The following DACH1 variants were observed in gnomAD, a reference collection of about 807,000 sequenced individuals.
The protein encoded by DACH1 is dachshund family transcription factor 1.
DACH1 carries 12 observed loss-of-function variants against 54.2 expected under a neutral mutation model. The observed-to-expected ratio is 0.22, with a 90% CI of 0.14 to 0.36. The LOEUF (loss-of-function observed/expected upper bound fraction) is 0.36, where lower values mean the gene tolerates loss of function less well. Among genes scored for constraint, DACH1 ranks in the 10% least tolerant of loss-of-function variants. The probability of loss-of-function intolerance (pLI) is 1.00; values close to 1 mark genes in which losing one functional copy is unlikely to be tolerated. For synonymous variants in DACH1, 386 were observed against 366.2 expected (o/e 1.05, Z -0.62); for missense variants, 805 against 929.8 (o/e 0.87, Z 1.75).
At chr13:71,832,515 T>C (rs1451064623) in intron 1 of DACH1, among the ~76,000 whole-genome samples, 9 of 151,928 alleles carry the variant, frequency 5.9e-5, no homozygotes, top group African/African-American at 9.7e-5. Context: ...TAAAATAAGT[T>C]GCAATCTCCA....
intron 3 of DACH1, among the ~76,000 whole-genome samples, chr13:71,600,818 A>C (rs892112197): frequency 1.2e-4 from 19 of 152,202 alleles, no homozygotes; most frequent in Non-Finnish European, 2.5e-4. Flanking sequence ...AGGTAATTAG[A>C]CTAGAATTAA....
At chr13:71,588,096 A>G (rs1448229924) in intron 3 of DACH1, among the ~76,000 whole-genome samples, 3 of 152,124 alleles carry the variant, frequency 2.0e-5, no homozygotes, top group African/African-American at 7.2e-5. Context: ...CTCAATATTT[A>G]CAGTTTGAGA....
Position 71,767,056 on chromosome 13 carries a change from C to T in DACH1, c.849-85146G>A, listed in dbSNP as rs965789577. Among the ~76,000 whole-genome samples the T allele has an allele frequency of 4.6e-5, 7 of 152,006 alleles. No individual in the cohort carries two copies. The South Asian group carries it at 1.5e-3, about 32-fold the overall frequency. On this transcript the variant is annotated intron_variant, in intron 1 of 10. Transcript: ENST00000613252. ...ATCTTTATGCAACTGCCATTTTTTC[C>T]CCAGTGACAGAGTACATTTTCCTAA...
rs1326453958 is a variant in DACH1 at position 71,866,526 on chromosome 13, T to C, written c.244A>G (p.Ser82Gly). The change falls in exon 1 of 11, where the codon AGC becomes GGC. Residue 82 changes from serine (S) to glycine (G), a missense_variant. Ser to Gly is a moderately conservative substitution (Grantham distance 56, BLOSUM62 0). Around this residue, in one of 3 missense-constraint regions of DACH1, gnomAD observed 305 missense variants for 308.7 expected, o/e 0.99. Coordinates refer to ENST00000613252, the MANE Select transcript of DACH1 (RefSeq NM_080759.6). The part of the protein sequence containing the change: ...STGGGGGGGG[S>G]GGGGGSSGNG... ...CCGCTGCTGCCGCCGCCGCCTCCGC[T>C]GCCGCCGCCGCCGCCGCCGCCGCCG... The C allele has an allele frequency of 2.2e-5, 27 of 1,233,828 alleles. No individual in the cohort carries two copies. The highest frequency in any genetic ancestry group is 3.1e-4 in the Middle Eastern group (1 of 3,262). 76.4% of individuals were successfully genotyped at this position (1,233,828 alleles called of 1,614,324 possible). A position where few individuals can be genotyped will look rare whatever the true frequency, so the allele number is the denominator to read the frequency against.
At chr13:71,596,174 T>C (rs1165133127) in intron 3 of DACH1, among the ~76,000 whole-genome samples, 1 of 152,164 alleles carries the variant, frequency 6.6e-6, no homozygotes, top group Admixed American at 6.5e-5. Context: ...TATTTCATAC[T>C]TCATTTTTTA....
chr13:71,640,533 C>T (rs947276498), intron 2 of DACH1, among the ~76,000 whole-genome samples: 2 of 151,898 alleles, frequency 1.3e-5, no homozygotes, highest in East Asian at 3.9e-4. Context: ...AAATTCCAAC[C>T]AGAAACAAAT....
chr13:71,472,708 T>A (rs182377344), intron 10 of DACH1, among the ~76,000 whole-genome samples: 27 of 152,288 alleles, frequency 1.8e-4, no homozygotes, highest in Admixed American at 1.4e-3. Context: ...TGTGTGTGTG[T>A]CATTCTTGAA....
intron 10 of DACH1, among the ~76,000 whole-genome samples, chr13:71,460,183 GTTA>G (rs769871982): frequency 6.6e-6 from 1 of 152,026 alleles, no homozygotes; most frequent in Non-Finnish European, 1.5e-5. Context: ...TAGAAAATCA[GTTA>G]TTATATGGCT....
chr13:71,865,704 C>T (rs1874697116), intron 1 of DACH1, among the ~76,000 whole-genome samples: 1 of 152,136 alleles, frequency 6.6e-6, no homozygotes, highest in African/African-American at 2.4e-5. Flanking sequence ...AAGGGGAGGA[C>T]CGGGCCGAAG....
intron 6 of DACH1, among the ~76,000 whole-genome samples, chr13:71,543,503 AAG>A (rs1883269905): frequency 6.6e-6 from 1 of 152,108 alleles, no homozygotes; most frequent in Non-Finnish European, 1.5e-5. Flanking sequence ...ACTATGATTA[AAG>A]AGAGACATTG....
intron 2 of DACH1, among the ~76,000 whole-genome samples, chr13:71,634,225 G>A (rs751297484): frequency 1.3e-5 from 2 of 151,948 alleles, no homozygotes; most frequent in Non-Finnish European, 2.9e-5. Context: ...CACCTGCCTT[G>A]GCTTCCTGAA....
intron 3 of DACH1, among the ~76,000 whole-genome samples, chr13:71,590,920 C>T (rs1208791495): frequency 8.2e-6 from 1 of 121,646 alleles, no homozygotes; most frequent in Admixed American, 1.1e-4. Flanking sequence ...TGGCTGTCAA[C>T]CAGGCGGGAG....
intron 5 of DACH1, 132 bp downstream of exon 5, chr13:71,559,688 G>T: frequency 8.9e-7 from 1 of 1,127,684 alleles, no homozygotes; most frequent in African/African-American, 1.6e-5. Context: ...AATTTTGAGA[G>T]ATGGCTATTG....
chr13:71,784,338 A>C lies in DACH1; in HGVS notation c.848+81584T>G, dbSNP rs75282576. Among the ~76,000 whole-genome samples the C allele has an allele frequency of 5.8e-4, 88 of 152,260 alleles. 2 individuals are homozygous for C. In the East Asian group the frequency reaches 0.016, roughly 28 times the overall value. On this transcript the variant is annotated intron_variant, in intron 1 of 10. Coordinates refer to ENST00000613252, the MANE Select transcript of DACH1 (RefSeq NM_080759.6). ...TCACAGAAAATGGGTAAATAATTAA[A>C]TGTAGTGGTAGAATAAAGCTAGAAT...
chr13:71,488,955 G>C, intron 7 of DACH1, 42 bp downstream of exon 7: 1 of 1,584,182 alleles, frequency 6.3e-7, no homozygotes, highest in East Asian at 2.2e-5. Flanking sequence ...TCTACAACAG[G>C]GTGTTCCATA....
chr13:71,599,854 C>CACACAT (rs397688719), intron 3 of DACH1, among the ~76,000 whole-genome samples: 1 of 151,092 alleles, frequency 6.6e-6, no homozygotes, highest in African/African-American at 2.4e-5. Context: ...CACACACACA[C>CACACAT]GCACACACAT....
chr13:71,863,529 T>G (rs886892304), intron 1 of DACH1, among the ~76,000 whole-genome samples: 6 of 152,192 alleles, frequency 3.9e-5, no homozygotes, highest in Non-Finnish European at 5.9e-5. Flanking sequence ...AGTGATGAGA[T>G]ATTTGTGAAG....
intron 2 of DACH1, among the ~76,000 whole-genome samples, chr13:71,637,787 CATTTT>C (rs1877591299): frequency 6.6e-6 from 1 of 152,104 alleles, no homozygotes; most frequent in South Asian, 2.1e-4. Flanking sequence ...AAACTATCTC[CATTTT>C]ATTTATTTCA....
intron 1 of DACH1, among the ~76,000 whole-genome samples, chr13:71,820,215 C>T (rs1183571276): frequency 2.0e-5 from 3 of 150,820 alleles, no homozygotes; most frequent in African/African-American, 7.3e-5. Context: ...TCCAGTGCAT[C>T]TACTGCACTG....
Sources: allele counts gnomAD v4.1 joint callset (sites outside exome capture counted in the v4.1 genomes callset), GRCh38; gene constraint gnomAD v4.1.1; regional missense constraint gnomAD v4.1.1; transcripts MANE v1.5; gene names NCBI Gene and HGNC (gene_info 2026-07-23, HGNC 2026-07-21).